Variants in UBE2K observed in about 807,000 individuals in gnomAD.
The protein encoded by UBE2K is ubiquitin-conjugating enzyme E2 K.
Under a neutral mutation model 30.0 loss-of-function variants are expected in UBE2K, and 6 were observed. That is an observed-to-expected ratio of 0.20 (90% CI 0.11 to 0.39). UBE2K has a LOEUF of 0.39. Ranked by LOEUF, UBE2K falls within the 10% of genes least tolerant of loss-of-function variation. UBE2K has a pLI of 1.00. For synonymous variants in UBE2K, 86 were observed against 83.7 expected (o/e 1.03, Z -0.15); for missense variants, 61 against 241.6 (o/e 0.25, Z 4.96).
chr4:39,723,362 C>CTTTT (rs529806724), intron 1 of UBE2K, among the ~76,000 whole-genome samples: 9 of 108,370 alleles, frequency 8.3e-5, no homozygotes, highest in Non-Finnish European at 1.2e-4. Context: ...GCTGTCTTCT[C>CTTTT]TTTTTTTTTT....
chr4:39,772,216 A>C (rs907758770), intron 4 of UBE2K, among the ~76,000 whole-genome samples: 5 of 151,992 alleles, frequency 3.3e-5, no homozygotes, highest in Non-Finnish European at 5.9e-5. Flanking sequence ...ACAGTCACTA[A>C]TTTTTTCTAT....
rs531044559 is a variant in UBE2K, at chr4:39,770,532, G to A, written c.300-4302G>A. On this transcript the variant is annotated intron_variant, in intron 4 of 6. Coordinates refer to ENST00000261427, the MANE Select transcript of UBE2K (RefSeq NM_005339.5). ...TCCCTGGCTGCCCCCCGCCCCCCGG[G>A]CAACCATGGCCGCCGCTGCTGCTTC... 3.8e-3 allele frequency: 6,125 copies of A among 1,602,114 alleles called. 29 individuals are homozygous for A. Among genetic ancestry groups the A allele is most frequent in the Middle Eastern group, 0.026 (117 of 4,436 alleles).
intron 2 of UBE2K, among the ~76,000 whole-genome samples, chr4:39,743,429 CT>C (rs1422819939): frequency 1.3e-5 from 2 of 152,122 alleles, no homozygotes; most frequent in Non-Finnish European, 2.9e-5. Flanking sequence ...CGGTGAAACC[CT>C]GTCTCTACTA....
intron 4 of UBE2K, among the ~76,000 whole-genome samples, chr4:39,771,969 A>G (rs924993015): frequency 2.6e-5 from 4 of 152,030 alleles, no homozygotes; most frequent in Non-Finnish European, 4.4e-5. Flanking sequence ...CCCTCAAGTA[A>G]CTGGGATTAC....
chr4:39,724,712 A>G (rs940543919), intron 1 of UBE2K, among the ~76,000 whole-genome samples: 41 of 151,352 alleles, frequency 2.7e-4, no homozygotes, highest in Non-Finnish European at 8.8e-5. Flanking sequence ...AAAAGTTGCA[A>G]TGAGCTGAGA....
At chr4:39,764,718 GC>G (rs1193917980) in intron 4 of UBE2K, among the ~76,000 whole-genome samples, 1 of 152,032 alleles carries the variant, frequency 6.6e-6, no homozygotes, top group African/African-American at 2.4e-5. Context: ...ATGAGCCACT[GC>G]CCCCGGCTGA....
At chr4:39,715,600 G>A (rs1450879383) in intron 1 of UBE2K, among the ~76,000 whole-genome samples, 5 of 152,138 alleles carry the variant, frequency 3.3e-5, no homozygotes, top group Non-Finnish European at 5.9e-5. Context: ...GTCACCCACC[G>A]TGCCTGGCCC....
intron 4 of UBE2K, chr4:39,770,729 G>C (rs1451101833): frequency 6.3e-7 from 1 of 1,581,736 alleles, no homozygotes; most frequent in Admixed American, 1.8e-5. Flanking sequence ...GGCCACCCAC[G>C]GAGCCTCCAA....
At chr4:39,746,092 T>G (rs1166592922) in intron 3 of UBE2K, among the ~76,000 whole-genome samples, 1 of 152,038 alleles carries the variant, frequency 6.6e-6, no homozygotes, top group African/African-American at 2.4e-5. Flanking sequence ...CGTGGCAGTG[T>G]TCCCAAATTT....
At chr4:39,712,176 G>C (rs1718731757) in intron 1 of UBE2K, among the ~76,000 whole-genome samples, 1 of 146,130 alleles carries the variant, frequency 6.8e-6, no homozygotes, top group Non-Finnish European at 1.5e-5. Flanking sequence ...CCAGGCTGGA[G>C]TGCAATAGCA....
intron 1 of UBE2K, among the ~76,000 whole-genome samples, chr4:39,721,663 T>C (rs1719427288): frequency 6.6e-6 from 1 of 152,218 alleles, no homozygotes; most frequent in South Asian, 2.1e-4. Context: ...AGTCAACTTT[T>C]AACTTTTTAT....
At chr4:39,720,744 A>G (rs1304223968) in intron 1 of UBE2K, among the ~76,000 whole-genome samples, 5 of 152,108 alleles carry the variant, frequency 3.3e-5, no homozygotes, top group Non-Finnish European at 2.9e-5. Context: ...TTCTATGTAT[A>G]TATGTTTTTA....
At chr4:39,766,344 G>A (rs775154395) in intron 4 of UBE2K, among the ~76,000 whole-genome samples, 2 of 152,024 alleles carry the variant, frequency 1.3e-5, no homozygotes, top group Non-Finnish European at 2.9e-5. Context: ...TGAAGTGATA[G>A]GTCATTGTGG....
chr4:39,772,710 T>G (rs1560380976), intron 4 of UBE2K, among the ~76,000 whole-genome samples: 1 of 149,022 alleles, frequency 6.7e-6, no homozygotes, highest in Non-Finnish European at 1.5e-5. Flanking sequence ...TTTTTTGAGA[T>G]GGAGTCTCGC....
chr4:39,773,843 C>T (rs1406027762), intron 4 of UBE2K, among the ~76,000 whole-genome samples: 1 of 151,816 alleles, frequency 6.6e-6, no homozygotes, highest in Non-Finnish European at 1.5e-5. Context: ...ATAGCGTGAA[C>T]CCGGGAGGCG....
intron 1 of UBE2K, among the ~76,000 whole-genome samples, chr4:39,713,284 A>G: frequency 2.3e-5 from 1 of 44,436 alleles, no homozygotes; most frequent in Admixed American, 2.7e-4. Flanking sequence ...CTTCTGTAGG[A>G]AATTTTTTTT....
intron 5 of UBE2K, 30 bp downstream of exon 5, chr4:39,774,963 T>C: frequency 6.8e-7 from 1 of 1,478,330 alleles, no homozygotes; most frequent in Non-Finnish European, 9.3e-7. Flanking sequence ...AAGACTTTCT[T>C]ATATTATGTA....
chr4:39,730,206 A>T (rs1719992166), intron 1 of UBE2K, among the ~76,000 whole-genome samples: 1 of 152,034 alleles, frequency 6.6e-6, no homozygotes, highest in South Asian at 2.1e-4. Flanking sequence ...TTTTTAAGAG[A>T]TGGAGTCTCA....
intron 4 of UBE2K, chr4:39,760,921 G>T (rs1374503033): frequency 1.3e-5 from 2 of 152,148 alleles, no homozygotes; most frequent in Non-Finnish European, 2.9e-5. Flanking sequence ...TGGTTACATG[G>T]ATATATACAG....
Sources: allele counts gnomAD v4.1 joint callset (sites outside exome capture counted in the v4.1 genomes callset), GRCh38; gene constraint gnomAD v4.1.1; transcripts MANE v1.5; gene names NCBI Gene and HGNC (gene_info 2026-07-23, HGNC 2026-07-21).